APBA1: variants seen among roughly 807,000 people sequenced by gnomAD.
The protein encoded by APBA1 is amyloid-beta A4 precursor protein-binding family A member 1.
APBA1 carries 55 observed loss-of-function variants against 86.6 expected under a neutral mutation model. The ratio of observed to expected loss-of-function variants is 0.64; its 90% CI spans 0.51 to 0.80. The LOEUF is 0.80. Among genes scored for constraint, APBA1 ranks in the 30% least tolerant of loss-of-function variants. APBA1 has a pLI of 0.00. For missense variants in APBA1, 1,090 were observed against 1,183.0 expected, an observed-to-expected ratio of 0.92 and a Z score of 1.15; for synonymous variants, 511 against 493.9, an observed-to-expected ratio of 1.03 and a Z score of -0.46.
intron 1 of APBA1, among the ~76,000 whole-genome samples, chr9:69,603,329 CA>C (rs2133975326): frequency 6.6e-6 from 1 of 152,340 alleles, no homozygotes; most frequent in African/African-American, 2.4e-5. Context: ...CAGGATAATG[CA>C]ATTTCGCTTT....
chr9:69,532,951 G>A (rs1003328174), intron 1 of APBA1, among the ~76,000 whole-genome samples: 2 of 152,114 alleles, frequency 1.3e-5, no homozygotes, highest in African/African-American at 4.8e-5. Flanking sequence ...AATAACTTAA[G>A]TACAAGGCTA....
chr9:69,560,092 G>T (rs932777866), intron 1 of APBA1, among the ~76,000 whole-genome samples: 1 of 152,154 alleles, frequency 6.6e-6, no homozygotes, highest in Non-Finnish European at 1.5e-5. Context: ...CCCAGGTTTA[G>T]TCACATCAAC....
chr9:69,628,886 G>A (rs1014690372), intron 1 of APBA1, among the ~76,000 whole-genome samples: 2 of 152,128 alleles, frequency 1.3e-5, no homozygotes, highest in African/African-American at 4.8e-5. Flanking sequence ...GTAAAAGTGA[G>A]TTAAAAAGAA....
At chr9:69,558,474 G>A (rs906995107) in intron 1 of APBA1, among the ~76,000 whole-genome samples, 2 of 151,392 alleles carry the variant, frequency 1.3e-5, no homozygotes, top group Admixed American at 1.3e-4. Flanking sequence ...TAACTGATAT[G>A]AAAGTTAGAC....
chr9:69,625,205 G>A (rs1194072164), intron 1 of APBA1, among the ~76,000 whole-genome samples: 1 of 152,108 alleles, frequency 6.6e-6, no homozygotes, highest in Non-Finnish European at 1.5e-5. Flanking sequence ...TGTTCCTTCT[G>A]GAATGTTTTC....
At chr9:69,498,627 A>G (rs949284817) in intron 2 of APBA1, among the ~76,000 whole-genome samples, 23 of 152,126 alleles carry the variant, frequency 1.5e-4, no homozygotes, top group African/African-American at 5.6e-4. Flanking sequence ...CAGAGCCTCT[A>G]TCTGTCATTG....
chr9:69,604,794 G>T (rs139834771), intron 1 of APBA1, among the ~76,000 whole-genome samples: 2 of 145,754 alleles, frequency 1.4e-5, no homozygotes, highest in African/African-American at 5.2e-5. Context: ...ACACACATGA[G>T]GGTAAGTGGA....
At chr9:69,551,547 C>T (rs541061708) in intron 1 of APBA1, among the ~76,000 whole-genome samples, 32 of 111,720 alleles carry the variant, frequency 2.9e-4, no homozygotes, top group African/African-American at 7.0e-4. Flanking sequence ...GGTGAGACTC[C>T]GCCTCAAAAA....
intron 2 of APBA1, among the ~76,000 whole-genome samples, chr9:69,514,028 A>G (rs1331265199): frequency 6.6e-6 from 1 of 152,224 alleles, no homozygotes; most frequent in Non-Finnish European, 1.5e-5. Context: ...GAGAATCTTT[A>G]TAGCAAACGA....
intron 1 of APBA1, among the ~76,000 whole-genome samples, chr9:69,531,184 G>T (rs1444208496): frequency 6.6e-6 from 1 of 152,116 alleles, no homozygotes; most frequent in African/African-American, 2.4e-5. Context: ...CCCACTTCGA[G>T]TTTGACAGTT....
intron 1 of APBA1, among the ~76,000 whole-genome samples, chr9:69,530,306 GTATATATATA>G (rs370549415): frequency 2.2e-4 from 25 of 116,152 alleles, no homozygotes; most frequent in South Asian, 1.1e-3. Flanking sequence ...TTGTGTGTGT[GTATATATATA>G]TATATATATA....
At chr9:69,577,398 T>A (rs188423515) in intron 1 of APBA1, among the ~76,000 whole-genome samples, 1 of 152,294 alleles carries the variant, frequency 6.6e-6, no homozygotes, top group Non-Finnish European at 1.5e-5. Flanking sequence ...CAGCCCCACA[T>A]TATGGGAAAC....
Position 69,452,309 on chromosome 9 carries a change from A to G in APBA1, c.1789-8T>C, listed in dbSNP as rs756163200. The G allele has an allele frequency of 1.2e-5, 19 of 1,613,606 alleles. No individual in the cohort carries two copies. Among genetic ancestry groups the G allele is most frequent in the Admixed American group, 3.3e-5 (2 of 59,982 alleles). Reference sequence around the variant, plus strand: ...CTGTGCAATCAGCTGAGCCTGGAACAGCAGCCAGAGAGGAAAGATGGTCAG... The same window carrying G: ...CTGTGCAATCAGCTGAGCCTGGAACGGCAGCCAGAGAGGAAAGATGGTCAG... On this transcript the variant is annotated splice_polypyrimidine_tract_variant and splice_region_variant and intron_variant, in intron 8 of 12. Coordinates refer to ENST00000265381, the MANE Select transcript of APBA1 (RefSeq NM_001163.4).
At chr9:69,519,982 A>ATC in intron 1 of APBA1, among the ~76,000 whole-genome samples, 1 of 152,274 alleles carries the variant, frequency 6.6e-6, no homozygotes, top group South Asian at 2.1e-4. Context: ...GGTACAATAG[A>ATC]TCTTTTTGTT....
chr9:69,432,002 C>CTGACAGCAGTGATGAA (rs879384731), intron 12 of APBA1, among the ~76,000 whole-genome samples: 192 of 151,684 alleles, frequency 1.3e-3, no homozygotes, highest in African/African-American at 3.8e-3. Context: ...GCAGTGATGA[C>CTGACAGCAGTGATGAA]TGACAGCAGT....
intron 1 of APBA1, among the ~76,000 whole-genome samples, chr9:69,596,955 G>A (rs1349443122): frequency 6.6e-6 from 1 of 152,208 alleles, no homozygotes; most frequent in Admixed American, 6.5e-5. Context: ...GCAGCTCCCA[G>A]CCATTTAGTG....
intron 1 of APBA1, among the ~76,000 whole-genome samples, chr9:69,583,484 C>T (rs4330751): frequency 0.027 from 4,081 of 152,230 alleles, 82 homozygotes; most frequent in African/African-American, 0.051. Context: ...TACTGAACCA[C>T]AAAATTACCT....
At chr9:69,535,028 T>A (rs975378898) in intron 1 of APBA1, among the ~76,000 whole-genome samples, 55 of 152,168 alleles carry the variant, frequency 3.6e-4, no homozygotes, top group African/African-American at 1.3e-3. Context: ...CCCTTCTACC[T>A]CCCACCTGCT....
chr9:69,445,166 A>G (rs1834887212), intron 10 of APBA1, among the ~76,000 whole-genome samples: 3 of 152,236 alleles, frequency 2.0e-5, no homozygotes, highest in African/African-American at 7.2e-5. Flanking sequence ...TGCCTAAAAA[A>G]TTCATATTGC....
Sources: allele counts gnomAD v4.1 joint callset (sites outside exome capture counted in the v4.1 genomes callset), GRCh38; gene constraint gnomAD v4.1.1; transcripts MANE v1.5; gene names NCBI Gene and HGNC (gene_info 2026-07-23, HGNC 2026-07-21).